ERI1: variants seen among roughly 807,000 people sequenced by gnomAD.
The protein encoded by ERI1 is 3'-5' exoribonuclease 1.
A neutral mutation model predicts 39.7 loss-of-function variants in ERI1; 39 were observed. The ratio of observed to expected loss-of-function variants is 0.98; its 90% CI spans 0.76 to 1.28. The LOEUF (loss-of-function observed/expected upper bound fraction) is 1.28, where lower values mean the gene tolerates loss of function less well. ERI1 is among the 50% of genes most tolerant of loss of function. The probability of loss-of-function intolerance (pLI) is 0.00; values close to 1 mark genes in which losing one functional copy is unlikely to be tolerated. For missense variants in ERI1, 581 were observed against 416.9 expected, an observed-to-expected ratio of 1.39 and a Z score of -3.43; for synonymous variants, 204 against 149.6, an observed-to-expected ratio of 1.36 and a Z score of -2.65.
chr8:9,094,216 A>C (rs995558664), intron 3 of ERI1, among the ~76,000 whole-genome samples: 2 of 152,192 alleles, frequency 1.3e-5, no homozygotes, highest in Non-Finnish European at 2.9e-5. Flanking sequence ...CCAATTTCTA[A>C]AATAATAGCA....
At chr8:9,087,009 TC>T (rs1185051465) in intron 3 of ERI1, among the ~76,000 whole-genome samples, 2 of 152,216 alleles carry the variant, frequency 1.3e-5, no homozygotes, top group East Asian at 3.9e-4. Context: ...GACCTCCTTC[TC>T]ACCTTCTCAT....
chr8:9,015,384 C>T (rs1385493933), intron 3 of ERI1, among the ~76,000 whole-genome samples: 1 of 152,078 alleles, frequency 6.6e-6, no homozygotes, highest in Non-Finnish European at 1.5e-5. Flanking sequence ...TCAAAATTGA[C>T]TCAGTGTGTT....
intron 3 of ERI1, among the ~76,000 whole-genome samples, chr8:9,015,840 G>T (rs1049931705): frequency 1.3e-5 from 2 of 150,446 alleles, no homozygotes; most frequent in Non-Finnish European, 3.0e-5. Context: ...GTTAAATTTT[G>T]ACTATTTAGA....
intron 3 of ERI1, among the ~76,000 whole-genome samples, chr8:9,058,395 G>A (rs1267948965): frequency 6.6e-6 from 1 of 152,170 alleles, no homozygotes; most frequent in Non-Finnish European, 1.5e-5. Flanking sequence ...ATTTACTCAT[G>A]GGCCTAGCTC....
At chr8:9,069,361 A>G (rs1017441453) in intron 3 of ERI1, among the ~76,000 whole-genome samples, 1 of 152,226 alleles carries the variant, frequency 6.6e-6, no homozygotes, top group Admixed American at 6.5e-5. Context: ...CTTTGTTGCA[A>G]TGTATTTTAG....
intron 3 of ERI1, among the ~76,000 whole-genome samples, chr8:9,063,448 G>T (rs913838659): frequency 1.3e-5 from 2 of 152,172 alleles, no homozygotes; most frequent in Admixed American, 6.5e-5. Flanking sequence ...GGTGTGAGGA[G>T]GGGAGGTGAT....
intron 4 of ERI1, among the ~76,000 whole-genome samples, chr8:9,016,681 A>T (rs1817326370): frequency 6.6e-6 from 1 of 151,866 alleles, no homozygotes; most frequent in Non-Finnish European, 1.5e-5. Context: ...CTGAACTTGG[A>T]GATGTTTGAT....
chr8:9,016,529 T>A lies in ERI1; in HGVS notation c.582+124T>A, dbSNP rs562279327. 9 of 443,674 alleles carry A rather than the reference T, an allele frequency of 2.0e-5. No homozygotes were observed. The East Asian group carries it at 3.3e-4, about 16-fold the overall frequency. The allele number at this position is 443,674 out of a possible 1,614,324, so 27.5% of individuals were successfully genotyped here. On this transcript the variant is annotated intron_variant, in intron 4 of 6. Transcript: ENST00000250263. ...AATTTAATACCTTGCTTGGTAAAGA[T>A]CTTTCATGTTGTAATAATTAAAAAA... is the stretch of plus-strand genomic sequence containing the variant.
intron 3 of ERI1, among the ~76,000 whole-genome samples, chr8:9,094,214 T>G (rs192344931): frequency 3.9e-4 from 60 of 152,274 alleles, no homozygotes; most frequent in Non-Finnish European, 6.8e-4. Context: ...CTCCAATTTC[T>G]AAAATAATAG....
chr8:9,007,812 C>G (rs1816182194), intron 1 of ERI1, among the ~76,000 whole-genome samples, 158 bp from the exon 2 acceptor site: 2 of 152,112 alleles, frequency 1.3e-5, no homozygotes, highest in African/African-American at 4.8e-5. Context: ...CCTTCTTATC[C>G]TTTCCTCCGT....
At chr8:9,051,706 C>G (rs1563358396) in intron 3 of ERI1, among the ~76,000 whole-genome samples, 2 of 151,306 alleles carry the variant, frequency 1.3e-5, no homozygotes, top group African/African-American at 4.8e-5. Flanking sequence ...CCTCTTGGTC[C>G]TGCCTAGAAC....
At chr8:9,006,312 A>G (rs912313327) in intron 1 of ERI1, among the ~76,000 whole-genome samples, 2 of 152,194 alleles carry the variant, frequency 1.3e-5, no homozygotes, top group African/African-American at 4.8e-5. Context: ...GAAAGGAAGC[A>G]AATTTTTCTT....
chr8:9,083,725 G>A (rs1799437797), intron 3 of ERI1, among the ~76,000 whole-genome samples: 2 of 151,946 alleles, frequency 1.3e-5, no homozygotes, highest in Admixed American at 1.3e-4. Context: ...AGGCTGAGGT[G>A]GGAGAATTGC....
chr8:9,034,384 TTG>T (rs1265548885), downstream of ERI1, among the ~76,000 whole-genome samples: 2 of 152,254 alleles, frequency 1.3e-5, no homozygotes, highest in Admixed American at 1.3e-4. Flanking sequence ...TACTGAAAGT[TTG>T]TGTGAATCCT....
chr8:9,086,684 T>C (rs78799288), intron 3 of ERI1, among the ~76,000 whole-genome samples: 22,870 of 152,224 alleles, frequency 0.15, 1,923 homozygotes, highest in Middle Eastern at 0.2. Context: ...TTTATAACAG[T>C]AAAAAATGAA....
intron 1 of ERI1, among the ~76,000 whole-genome samples, chr8:9,005,551 G>A (rs911814841): frequency 7.5e-6 from 1 of 132,676 alleles, no homozygotes; most frequent in Non-Finnish European, 1.6e-5. Flanking sequence ...GTCTCTCTCT[G>A]TTGCCCAGGC....
At chr8:9,089,917 A>G (rs1351854052) in intron 3 of ERI1, among the ~76,000 whole-genome samples, 1 of 151,894 alleles carries the variant, frequency 6.6e-6, no homozygotes, top group Admixed American at 6.6e-5. Context: ...ACAATGAGAC[A>G]GATTCCCTGA....
intron 3 of ERI1, among the ~76,000 whole-genome samples, chr8:9,012,676 G>A (rs146536862): frequency 8.5e-5 from 13 of 152,242 alleles, no homozygotes; most frequent in East Asian, 1.9e-4. Context: ...ACTCAAGGAC[G>A]TTACTGTAGC....
At chr8:9,068,080 A>G (rs186847506) in intron 3 of ERI1, among the ~76,000 whole-genome samples, 3 of 152,322 alleles carry the variant, frequency 2.0e-5, no homozygotes, top group African/African-American at 7.2e-5. Flanking sequence ...GGAAGCAGAG[A>G]ACATATATTT....
Sources: gnomAD v4.1 joint callset for allele counts (sites outside exome capture counted in the v4.1 genomes callset) on GRCh38, gnomAD v4.1.1 for gene constraint, MANE v1.5 for transcripts, NCBI Gene and HGNC (gene_info 2026-07-23, HGNC 2026-07-21) for gene names.